Variants in LRP1 observed in about 807,000 individuals in gnomAD.
LRP1 encodes prolow-density lipoprotein receptor-related protein 1.
Under a neutral mutation model 541.5 loss-of-function variants are expected in LRP1, and 51 were observed. The observed-to-expected ratio is 0.09, with a 90% CI of 0.08 to 0.12. The LOEUF is 0.12. LRP1 is among the 10% of genes least tolerant of loss of function. The probability of loss-of-function intolerance (pLI) is 1.00; values close to 1 mark genes in which losing one functional copy is unlikely to be tolerated. For synonymous variants in LRP1, 2,219 were observed against 2,470.8 expected (o/e 0.90, Z 3.02); for missense variants, 3,878 against 6,376.2 (o/e 0.61, Z 13.34).
intron 64 of LRP1, 71 bp from the exon 65 acceptor site, chr12:57,200,963 G>A (rs2036641103): frequency 1.2e-6 from 2 of 1,607,058 alleles, no homozygotes; most frequent in East Asian, 2.2e-5. Flanking sequence ...CCTCCCTGCT[G>A]AGGGATGGGC....
At chr12:57,195,179 C>G in intron 51 of LRP1, 78 bp downstream of exon 51, 1 of 1,583,602 alleles carries the variant, frequency 6.3e-7, no homozygotes, top group South Asian at 1.1e-5. Flanking sequence ...CACACACAGA[C>G]ACCCCTGCAG....
In LRP1 at chr12:57,206,777, G is replaced by C. The variant is rs2136750658; in HGVS notation, c.11859+36G>C. ...AACCTGGCGTGGATGGAGTGGAAGA[G>C]CTCCATAGAGCAGGCGGTTCAGAGC... On this transcript the variant is annotated intron_variant, in intron 76 of 88. Coordinates refer to ENST00000243077, the MANE Select transcript of LRP1 (RefSeq NM_002332.3). The surrounding 1 kb of genome is among the most constrained non-coding windows in gnomAD (Gnocchi z 4.7). 1 of 1,598,946 alleles carries C rather than the reference G, an allele frequency of 6.3e-7. No individual in the cohort carries two copies. The highest frequency in any genetic ancestry group is 1.1e-5 in the South Asian group (1 of 90,752).
chr12:57,154,970 T>A lies in LRP1; in HGVS notation c.1227+269T>A, dbSNP rs1386130744. On this transcript the variant is annotated intron_variant, in intron 8 of 88. Coordinates refer to ENST00000243077, the MANE Select transcript of LRP1 (RefSeq NM_002332.3). The surrounding 1 kb of genome is among the most constrained non-coding windows in gnomAD (Gnocchi z 4.6). ...GACCCTTATAATAACCCCTAGCTGA[T>A]GAACAGGGAGGTGGTTCAGTTCCCT... The A allele has an allele frequency of 1.7e-6, 1 of 593,394 alleles. No homozygotes were observed. Among genetic ancestry groups the A allele is most frequent in the Non-Finnish European group, 3.0e-6 (1 of 333,490 alleles). 36.8% of individuals were successfully genotyped at this position (593,394 alleles called of 1,614,324 possible). A position where few individuals can be genotyped will look rare whatever the true frequency, so the allele number is the denominator to read the frequency against.
chr12:57,212,063 C>T lies in LRP1; in HGVS notation c.13349+46C>T. ...AACATTCTGGTCATTATTTTGCCATCCTAGCCTTCCCCCCCAATAATCTCT... is the reference window on the plus strand; with the variant it reads ...AACATTCTGGTCATTATTTTGCCATTCTAGCCTTCCCCCCCAATAATCTCT... On this transcript the variant is annotated intron_variant, in intron 87 of 88. Transcript: ENST00000243077. The surrounding 1 kb of genome is among the most constrained non-coding windows in gnomAD (Gnocchi z 5.0). 1 of 1,613,296 alleles carries T rather than the reference C, an allele frequency of 6.2e-7. No individual in the cohort carries two copies. Among genetic ancestry groups the T allele is most frequent in the Non-Finnish European group, 8.5e-7 (1 of 1,179,422 alleles).
chr12:57,184,818 G>A lies in LRP1; in HGVS notation c.6187-21G>A, dbSNP rs752147342. The A allele has an allele frequency of 6.2e-7, 1 of 1,603,206 alleles. No homozygotes were observed. The highest frequency in any genetic ancestry group is 8.5e-7 in the Non-Finnish European group (1 of 1,171,772). ...CAGCGAGCTCAGCCCTGGAGGTGAGGTGGGTGCCTCTGGCCTGTAGGATGG... is the reference window on the plus strand; with the variant it reads ...CAGCGAGCTCAGCCCTGGAGGTGAGATGGGTGCCTCTGGCCTGTAGGATGG... On this transcript the variant is annotated intron_variant, in intron 38 of 88. Coordinates refer to ENST00000243077, the MANE Select transcript of LRP1 (RefSeq NM_002332.3). The surrounding 1 kb of genome is among the most constrained non-coding windows in gnomAD (Gnocchi z 7.8).
intron 44 of LRP1, among the ~76,000 whole-genome samples, chr12:57,192,411 C>T (rs998410361): frequency 7.2e-5 from 11 of 152,150 alleles, no homozygotes; most frequent in Non-Finnish European, 1.5e-4. Flanking sequence ...GGTCACTCTC[C>T]TCACTTGGAG....
At chr12:57,157,114 G>A (rs1228648220) in intron 10 of LRP1, among the ~76,000 whole-genome samples, 194 bp downstream of exon 10, 4 of 152,188 alleles carry the variant, frequency 2.6e-5, no homozygotes, top group African/African-American at 7.2e-5. Context: ...CTCACCCACC[G>A]GACTCTGCAG....
intron 20 of LRP1, among the ~76,000 whole-genome samples, chr12:57,172,219 G>T (rs1490286934): frequency 1.3e-5 from 2 of 151,424 alleles, no homozygotes; most frequent in African/African-American, 4.9e-5. Context: ...CGCCCAGGCT[G>T]GAGTGCAGTG....
At chr12:57,143,901 A>G (rs972237656) in intron 4 of LRP1, 103 bp downstream of exon 4, 83 of 1,420,852 alleles carry the variant, frequency 5.8e-5, no homozygotes, top group Non-Finnish European at 7.2e-5. Flanking sequence ...GGAATAAGAA[A>G]CTAGAAGGAA....
intron 6 of LRP1, chr12:57,149,014 G>T (rs2035473550): frequency 1.5e-6 from 1 of 677,224 alleles, no homozygotes; most frequent in Non-Finnish European, 2.7e-6. Flanking sequence ...CAGGAAATGG[G>T]GTAGTGATTT....
intron 6 of LRP1, chr12:57,149,393 C>T (rs747604646): frequency 1.4e-4 from 74 of 547,310 alleles, no homozygotes; most frequent in South Asian, 6.8e-4. Flanking sequence ...CTGTGTCTCC[C>T]GGCCCAGATC....
intron 17 of LRP1, 54 bp downstream of exon 17, chr12:57,166,263 G>C (rs1402039996): frequency 6.5e-7 from 1 of 1,538,870 alleles, no homozygotes; most frequent in East Asian, 2.4e-5. Context: ...GGAGGCAGGG[G>C]AGACGAGGGG....
Position 57,165,901 on chromosome 12 carries a change from A to G in LRP1, c.2627A>G (p.Asp876Gly). The G allele has an allele frequency of 6.2e-7, 1 of 1,614,170 alleles. No individual in the cohort carries two copies. Among genetic ancestry groups the G allele is most frequent in the Non-Finnish European group, 8.5e-7 (1 of 1,180,040 alleles). ...CIQERWKCDG[D>G]NDCLDNSDEA... ...CAGGAGCGCTGGAAGTGTGACGGAG[A>G]CAACGATTGCCTGGACAACAGTGAT... Residue 876 changes from aspartate to glycine, a missense_variant, in exon 16 of 89, where the codon GAC becomes GGC. Asp to Gly is a moderately conservative substitution (Grantham distance 94). Around this residue, in one of 13 missense-constraint regions of LRP1, gnomAD observed 496 missense variants for 861.0 expected, o/e 0.58. Transcript: ENST00000243077. The surrounding 1 kb of genome is among the most constrained non-coding windows in gnomAD (Gnocchi z 4.5).
Position 57,210,758 on chromosome 12 carries a change from C to T in LRP1, c.12795C>T (p.Pro4265=). ...GGTGCCCCACGGGCTTCACGGGCCC[C>T]AAATGCACCCAGCAGGTGTGTGCGG... ...TCRCPTGFTG[P]KCTQQVCAGY... Residue 4265 remains proline (P), a synonymous_variant, in exon 83 of 89, where the codon CCC becomes CCT. Coordinates refer to ENST00000243077, the MANE Select transcript of LRP1 (RefSeq NM_002332.3). 1 of 1,612,378 alleles carries T rather than the reference C, an allele frequency of 6.2e-7. No individual in the cohort carries two copies. The highest frequency in any genetic ancestry group is 8.5e-7 in the Non-Finnish European group (1 of 1,178,884).
rs2136676315 is a variant in LRP1, at chr12:57,156,384, T to A, written c.1417+101T>A. ...TCTCTGGGCCCTCCTGTGGGGACCC[T>A]GGCTTCTTTCATGTCATGACCGATT... is the stretch of plus-strand genomic sequence containing the variant. On this transcript the variant is annotated intron_variant, in intron 9 of 88. Coordinates refer to ENST00000243077, the MANE Select transcript of LRP1 (RefSeq NM_002332.3). The surrounding 1 kb of genome is among the most constrained non-coding windows in gnomAD (Gnocchi z 5.2). The A allele has an allele frequency of 8.1e-7, 1 of 1,238,130 alleles. No individual in the cohort carries two copies. The highest frequency in any genetic ancestry group is 1.1e-6 in the Non-Finnish European group (1 of 903,442). The allele number at this position is 1,238,130 out of a possible 1,614,324, so 76.7% of individuals were successfully genotyped here.
rs1216971155 is a variant in LRP1, at chr12:57,198,241, G to A, written c.9368G>A (p.Arg3123Gln). The change falls in exon 59 of 89, where the codon CGG becomes CAG. Residue 3123 changes from arginine to glutamine, a missense_variant. Physicochemically the swap from Arg to Gln is conservative, Grantham distance 43 (BLOSUM62 1). Coordinates refer to ENST00000243077, the MANE Select transcript of LRP1 (RefSeq NM_002332.3). ...AACCTGTACTGGTGCGACAAAGGCC[G>A]GGACACCATCGAGGTGTCCAAGCTC... ...GGNLYWCDKG[R>Q]DTIEVSKLNG... is the part of the protein sequence containing the mutation. The A allele has an allele frequency of 4.3e-6, 7 of 1,613,534 alleles. No individual in the cohort carries two copies. Among genetic ancestry groups the A allele is most frequent in the African/African-American group, 1.3e-5 (1 of 75,026 alleles).
At position 57,197,703 on chromosome 12, in the gene LRP1, C is replaced by A; in HGVS notation, c.9282+39C>A. 1 of 1,601,648 alleles carries A rather than the reference C, an allele frequency of 6.2e-7. No individual in the cohort carries two copies. Among genetic ancestry groups the A allele is most frequent in the South Asian group, 1.1e-5 (1 of 90,344 alleles). Reference sequence around the variant, plus strand: ...CCCTCGGCGACCAACACTGGCCCGCCTCAGATGACTGTTTTCAGATCGTCT... The same window carrying A: ...CCCTCGGCGACCAACACTGGCCCGCATCAGATGACTGTTTTCAGATCGTCT... On this transcript the variant is annotated intron_variant, in intron 58 of 88. Transcript: ENST00000243077. The surrounding 1 kb of genome is among the most constrained non-coding windows in gnomAD (Gnocchi z 4.5).
In LRP1 at chr12:57,179,296, G is replaced by A; in HGVS notation, c.4739-33G>A. The A allele has an allele frequency of 6.7e-7, 1 of 1,489,328 alleles. No individual in the cohort carries two copies. Among genetic ancestry groups the A allele is most frequent in the Non-Finnish European group, 9.3e-7 (1 of 1,069,730 alleles). The allele number at this position is 1,489,328 out of a possible 1,614,324, so 92.3% of individuals were successfully genotyped here. A position where few individuals can be genotyped will look rare whatever the true frequency, so the allele number is the denominator to read the frequency against. On this transcript the variant is annotated intron_variant, in intron 28 of 88. Coordinates refer to ENST00000243077, the MANE Select transcript of LRP1 (RefSeq NM_002332.3). The surrounding 1 kb of genome is among the most constrained non-coding windows in gnomAD (Gnocchi z 6.8). ...GATTGGTGGGAAGCACAGAGGCAGG[G>A]ACTGCCTTCAGTGACCAGCCCATGC...
At position 57,183,384 on chromosome 12, in the gene LRP1, G is replaced by A. The variant is rs568563891; in HGVS notation, c.5668G>A (p.Gly1890Ser). 1.3e-5 allele frequency: 21 copies of A among 1,602,678 alleles called. No individual in the cohort carries two copies. In the East Asian group the frequency reaches 4.0e-4, roughly 31 times the overall value. The change falls in exon 35 of 89, where the codon GGT becomes AGT. Residue 1890 changes from glycine (G) to serine (S), a missense_variant. Coordinates refer to ENST00000243077, the MANE Select transcript of LRP1 (RefSeq NM_002332.3). The surrounding 1 kb of genome is among the most constrained non-coding windows in gnomAD (Gnocchi z 6.1). The stretch of plus-strand genomic sequence containing the variant: ...TAAGTTTCCTTGTCTTTCAGGCGTA[G>A]GTTCCTTTCTCCTGTACTCTGTGCA... Reference protein sequence around the residue: ...RSGQQACEGVGSFLLYSVHEG... With the variant: ...RSGQQACEGVSSFLLYSVHEG...
Sources: gnomAD v4.1 joint callset for allele counts (sites outside exome capture counted in the v4.1 genomes callset) on GRCh38, gnomAD v4.1.1 for gene constraint, gnomAD v4.1.1 regional missense constraint, Gnocchi (gnomAD v3.1) non-coding constraint, MANE v1.5 for transcripts, NCBI Gene and HGNC (gene_info 2026-07-23, HGNC 2026-07-21) for gene names.